The following ADAMTS16 variants were observed in gnomAD, a reference collection of about 807,000 sequenced individuals.
ADAMTS16 encodes A disintegrin and metalloproteinase with thrombospondin motifs 16.
A neutral mutation model predicts 145.8 loss-of-function variants in ADAMTS16; 94 were observed. The ratio of observed to expected loss-of-function variants is 0.64; its 90% CI spans 0.55 to 0.77. ADAMTS16 has a LOEUF of 0.77. Among genes scored for constraint, ADAMTS16 ranks in the 30% least tolerant of loss-of-function variants. ADAMTS16 has a pLI of 0.00. For synonymous variants in ADAMTS16, 659 were observed against 604.3 expected (o/e 1.09, Z -1.33); for missense variants, 1,585 against 1,591.5 (o/e 1.00, Z 0.07).
At chr5:5,220,261 G>A (rs370417791) in intron 10 of ADAMTS16, among the ~76,000 whole-genome samples, 1 of 146,230 alleles carries the variant, frequency 6.8e-6, no homozygotes, top group Admixed American at 7.1e-5. Context: ...CCAGGTTCAC[G>A]CCATTCTCCT....
chr5:5,186,600 G>A (rs1416306828), intron 5 of ADAMTS16, among the ~76,000 whole-genome samples: 1 of 152,136 alleles, frequency 6.6e-6, no homozygotes, highest in African/African-American at 2.4e-5. Flanking sequence ...ATCAGCATTA[G>A]ATGTGTGATT....
At chr5:5,281,286 G>T (rs1359745063) in intron 18 of ADAMTS16, among the ~76,000 whole-genome samples, 1 of 152,166 alleles carries the variant, frequency 6.6e-6, no homozygotes, top group African/African-American at 2.4e-5. Flanking sequence ...TCAGATAATA[G>T]ATAATAGCGC....
chr5:5,156,579 C>T (rs1305855837), intron 3 of ADAMTS16, among the ~76,000 whole-genome samples: 3 of 152,196 alleles, frequency 2.0e-5, no homozygotes, highest in Non-Finnish European at 4.4e-5. Flanking sequence ...ACAATGTGTC[C>T]GGACATTCCT....
intron 5 of ADAMTS16, 113 bp downstream of exon 5, chr5:5,186,364 A>G: frequency 1.1e-6 from 1 of 951,266 alleles, no homozygotes; most frequent in East Asian, 2.6e-5. Flanking sequence ...CTGTGGATTG[A>G]TGTTCCATAT....
Position 5,239,794 on chromosome 5 carries a change from AATG to A in ADAMTS16, c.2393_2395del (p.Asn798_Gly799delinsArg). ...CAATGCCCTCAGAAGGTACTACCTG[AATG>A]GGCACTGGACCGTGGACTGGCCCGG... is the stretch of plus-strand genomic sequence containing the variant. On this transcript the variant is annotated inframe_deletion, in exon 16 of 23. Transcript: ENST00000274181. 1 of 1,614,126 alleles carries A rather than the reference AATG, an allele frequency of 6.2e-7. No individual in the cohort carries two copies. The highest frequency in any genetic ancestry group is 1.6e-4 in the Middle Eastern group (1 of 6,062).
chr5:5,188,121 T>C (rs1735560743), intron 6 of ADAMTS16, among the ~76,000 whole-genome samples: 1 of 152,222 alleles, frequency 6.6e-6, no homozygotes, highest in Non-Finnish European at 1.5e-5. Context: ...AAATATATCT[T>C]AGCCATCGTG....
chr5:5,279,926 TTTTCTTTC>T (rs768515687), intron 18 of ADAMTS16, among the ~76,000 whole-genome samples: 4,002 of 149,976 alleles, frequency 0.027, 73 homozygotes, highest in East Asian at 0.063. Context: ...TTATTTCTCT[TTTTCTTTC>T]TTTCTTTCTT....
At chr5:5,235,926 T>C (rs187315281) in intron 13 of ADAMTS16, among the ~76,000 whole-genome samples, 1 of 152,360 alleles carries the variant, frequency 6.6e-6, no homozygotes, top group African/African-American at 2.4e-5. Context: ...AGTGTCAGGT[T>C]CATGCAGTTA....
At chr5:5,226,537 A>G (rs1000095140) in intron 11 of ADAMTS16, among the ~76,000 whole-genome samples, 1 of 152,124 alleles carries the variant, frequency 6.6e-6, no homozygotes, top group Non-Finnish European at 1.5e-5. Flanking sequence ...ACCATATAAG[A>G]CATCCAAGTC....
chr5:5,219,399 A>G (rs1044452575), intron 10 of ADAMTS16, among the ~76,000 whole-genome samples: 2 of 152,102 alleles, frequency 1.3e-5, no homozygotes, highest in Non-Finnish European at 2.9e-5. Flanking sequence ...CCCCTCCACT[A>G]CACTTCTCAG....
intron 18 of ADAMTS16, among the ~76,000 whole-genome samples, chr5:5,294,029 A>T (rs1739433157): frequency 6.6e-6 from 1 of 152,212 alleles, no homozygotes. Context: ...ATGGGGAGCC[A>T]TGGAGTGTTT....
At chr5:5,258,848 AT>A (rs1266001281) in intron 17 of ADAMTS16, among the ~76,000 whole-genome samples, 192 of 151,846 alleles carry the variant, frequency 1.3e-3, no homozygotes, top group African/African-American at 4.2e-3. Flanking sequence ...ATATATATAT[AT>A]AATTTTTTTT....
chr5:5,237,152 T>C, intron 14 of ADAMTS16, 53 bp downstream of exon 14: 7 of 1,583,012 alleles, frequency 4.4e-6, no homozygotes, highest in East Asian at 2.2e-5. Flanking sequence ...GTCTGCTTTG[T>C]GTCAAGCATC....
intron 3 of ADAMTS16, among the ~76,000 whole-genome samples, chr5:5,156,231 T>A (rs1490009195): frequency 6.6e-6 from 1 of 152,166 alleles, no homozygotes; most frequent in Non-Finnish European, 1.5e-5. Flanking sequence ...TTTCTTTGTA[T>A]AATCAAGCTG....
chr5:5,279,922 CTCTT>C (rs1560984939), intron 18 of ADAMTS16, among the ~76,000 whole-genome samples: 4 of 45,680 alleles, frequency 8.8e-5, no homozygotes, highest in Non-Finnish European at 1.7e-4. Context: ...TTCTTTATTT[CTCTT>C]TTTCTTTCTT....
At chr5:5,220,011 G>A (rs1736546434) in intron 10 of ADAMTS16, among the ~76,000 whole-genome samples, 1 of 152,126 alleles carries the variant, frequency 6.6e-6, no homozygotes, top group Non-Finnish European at 1.5e-5. Context: ...TAATGTTATT[G>A]TACGTAAAGC....
At position 5,200,282 on chromosome 5, in the gene ADAMTS16, T is replaced by C. The variant is rs746728333; in HGVS notation, c.1451+13T>C. The stretch of plus-strand genomic sequence containing the variant: ...ACAAATTTCTAAGGTAGGAACTCTT[T>C]AAGCTGGTCTTGTGATCTTTCGGGG... On this transcript the variant is annotated intron_variant, in intron 9 of 22. Coordinates refer to ENST00000274181, the MANE Select transcript of ADAMTS16 (RefSeq NM_139056.4). 6 of 1,613,594 alleles carry C rather than the reference T, an allele frequency of 3.7e-6. No homozygotes were observed. The highest frequency in any genetic ancestry group is 2.7e-5 in the African/African-American group (2 of 75,026).
chr5:5,208,967 A>G (rs1579312282), intron 9 of ADAMTS16, 126 bp from the exon 10 acceptor site: 6 of 992,614 alleles, frequency 6.0e-6, no homozygotes, highest in Non-Finnish European at 8.7e-6. Flanking sequence ...AGGAGAAAAA[A>G]AGTTCTCCTC....
At chr5:5,311,008 C>G (rs867150588) in intron 21 of ADAMTS16, among the ~76,000 whole-genome samples, 1 of 152,060 alleles carries the variant, frequency 6.6e-6, no homozygotes. Context: ...ACTGAATGCC[C>G]GTGGCTTCTG....
Sources: gnomAD v4.1 joint callset for allele counts (sites outside exome capture counted in the v4.1 genomes callset) on GRCh38, gnomAD v4.1.1 for gene constraint, MANE v1.5 for transcripts, NCBI Gene and HGNC (gene_info 2026-07-23, HGNC 2026-07-21) for gene names.